RFTN1: variants seen among roughly 807,000 people sequenced by gnomAD.
RFTN1 encodes the protein raftlin, lipid raft linker 1.
Under a neutral mutation model 46.5 loss-of-function variants are expected in RFTN1, and 26 were observed. That is an observed-to-expected ratio of 0.56 (90% CI 0.41 to 0.78). RFTN1 has a LOEUF of 0.78. Ranked by LOEUF, RFTN1 falls within the 30% of genes least tolerant of loss-of-function variation. The pLI is 0.00. For missense variants in RFTN1, 693 were observed against 718.7 expected, an observed-to-expected ratio of 0.96 and a Z score of 0.41; for synonymous variants, 261 against 284.2, an observed-to-expected ratio of 0.92 and a Z score of 0.82.
rs2073690892 is a variant in RFTN1 at position 16,374,888 on chromosome 3, G to A, written c.826+2830C>T. Among the ~76,000 whole-genome samples the A allele has an allele frequency of 6.6e-6, 1 of 152,166 alleles. No individual in the cohort carries two copies. The highest frequency in any genetic ancestry group is 2.4e-5 in the African/African-American group (1 of 41,444). On this transcript the variant is annotated intron_variant, in intron 5 of 9. Coordinates refer to ENST00000334133, the MANE Select transcript of RFTN1 (RefSeq NM_015150.2). The surrounding 1 kb of genome is among the most constrained non-coding windows in gnomAD (Gnocchi z 5.4). ...AGAACCTGCAGGGGCAAGGAGGCGTGACGGCTGCACCGAGCCCGCAGAGAT... is the reference window on the plus strand; with the variant it reads ...AGAACCTGCAGGGGCAAGGAGGCGTAACGGCTGCACCGAGCCCGCAGAGAT...
intron 8 of RFTN1, 129 bp from the exon 9 acceptor site, chr3:16,323,586 G>C: frequency 1.6e-6 from 1 of 625,826 alleles, no homozygotes; most frequent in African/African-American, 1.9e-5. Flanking sequence ...TAGAAGAGAC[G>C]CCTGCTCTAC....
rs370852841 is a variant in RFTN1 at position 16,352,578 on chromosome 3, ACT to A, written c.1146+5352_1146+5353del. 2.4e-3 allele frequency among the ~76,000 whole-genome samples: 363 copies of A among 152,228 alleles called. 1 individual carries two copies. The highest frequency in any genetic ancestry group is 8.4e-3 in the African/African-American group (351 of 41,542). On this transcript the variant is annotated intron_variant, in intron 7 of 9. Transcript: ENST00000334133. This position sits in a 1 kb window ranked among gnomAD's most constrained non-coding sequence, Gnocchi z 4.6. Reference sequence around the variant, plus strand: ...AGCAAAATGCAATTATTTGTATTTGACTCTACAGGTTCCCTAGCCCAACCTCC... The same window carrying A: ...AGCAAAATGCAATTATTTGTATTTGACTACAGGTTCCCTAGCCCAACCTCC...
At chr3:16,485,395 T>C (rs2076432484) in intron 2 of RFTN1, among the ~76,000 whole-genome samples, 1 of 152,044 alleles carries the variant, frequency 6.6e-6, no homozygotes, top group Admixed American at 6.5e-5. Context: ...ACTCCATATA[T>C]ACAACAGCAA....
chr3:16,497,315 T>C (rs754692640), intron 1 of RFTN1, among the ~76,000 whole-genome samples: 12 of 152,260 alleles, frequency 7.9e-5, no homozygotes, highest in Non-Finnish European at 1.6e-4. Context: ...CAAAATCATC[T>C]ACGTACTGGG....
intron 8 of RFTN1, among the ~76,000 whole-genome samples, chr3:16,324,719 A>G (rs2069521022): frequency 7.1e-6 from 1 of 141,000 alleles, no homozygotes; most frequent in Admixed American, 7.6e-5. Context: ...TTCTTCATCC[A>G]TCTGATGAGG....
At chr3:16,332,375 A>G (rs994462323) in intron 7 of RFTN1, among the ~76,000 whole-genome samples, 2 of 148,238 alleles carry the variant, frequency 1.3e-5, no homozygotes, top group African/African-American at 2.5e-5. Context: ...CTGCTGCCCT[A>G]TTTTTAAGAT....
At chr3:16,502,404 G>T (rs1336664709) in intron 1 of RFTN1, among the ~76,000 whole-genome samples, 1 of 150,572 alleles carries the variant, frequency 6.6e-6, no homozygotes, top group Non-Finnish European at 1.5e-5. Flanking sequence ...AAAAAAGAAA[G>T]AAAGAAAAGA....
chr3:16,439,729 C>T (rs182348203), intron 2 of RFTN1, among the ~76,000 whole-genome samples: 10 of 152,106 alleles, frequency 6.6e-5, no homozygotes, highest in African/African-American at 1.4e-4. Flanking sequence ...TGCCAGTGGG[C>T]GGGAGAAACA....
chr3:16,493,149 G>A (rs977843405), intron 2 of RFTN1, among the ~76,000 whole-genome samples: 3 of 152,170 alleles, frequency 2.0e-5, no homozygotes, highest in African/African-American at 7.2e-5. Context: ...TCTGCAAACT[G>A]GTTGGCTCAT....
rs774356012 is a variant in RFTN1 at position 16,383,422 on chromosome 3, A to T, written c.442-5320T>A. Among the ~76,000 whole-genome samples the T allele has an allele frequency of 6.6e-6, 1 of 152,232 alleles. No individual in the cohort carries two copies. Among genetic ancestry groups the T allele is most frequent in the African/African-American group, 2.4e-5 (1 of 41,456 alleles). On this transcript the variant is annotated intron_variant, in intron 4 of 9. Transcript: ENST00000334133. The surrounding 1 kb of genome is among the most constrained non-coding windows in gnomAD (Gnocchi z 4.0). ...CAGTTGCTCTATAATAAGTAAGGAC[A>T]TGCTCCACTGTAACTATAATCAGGA...
Position 16,483,770 on chromosome 3 carries a change from A to AT in RFTN1, c.145+9954_145+9955insA, listed in dbSNP as rs2076405039. Among the ~76,000 whole-genome samples, 1 of 152,178 alleles carries AT rather than the reference A, an allele frequency of 6.6e-6. No homozygotes were observed. Among genetic ancestry groups the AT allele is most frequent in the East Asian group, 1.9e-4 (1 of 5,198 alleles). On this transcript the variant is annotated intron_variant, in intron 2 of 9. Transcript: ENST00000334133. The surrounding 1 kb of genome is among the most constrained non-coding windows in gnomAD (Gnocchi z 4.8). The stretch of plus-strand genomic sequence containing the variant: ...ATCTCCACTCAAATTAAAAAAAAAA[A>AT]AATTGTACTCCACATGATCTTTTAA...
chr3:16,397,887 A>G (rs1005675355), intron 4 of RFTN1, among the ~76,000 whole-genome samples: 1 of 152,136 alleles, frequency 6.6e-6, no homozygotes, highest in Admixed American at 6.5e-5. Context: ...CATTTTGAAG[A>G]ATGCCAAGTT....
At position 16,499,315 on chromosome 3, in the gene RFTN1, C is replaced by T. The variant is rs763877863; in HGVS notation, c.-8-5438G>A. 2.6e-4 allele frequency among the ~76,000 whole-genome samples: 39 copies of T among 152,284 alleles called. No individual in the cohort carries two copies. Among genetic ancestry groups the T allele is most frequent in the Admixed American group, 1.1e-3 (17 of 15,300 alleles). On this transcript the variant is annotated intron_variant, in intron 1 of 9. Coordinates refer to ENST00000334133, the MANE Select transcript of RFTN1 (RefSeq NM_015150.2). This position sits in a 1 kb window ranked among gnomAD's most constrained non-coding sequence, Gnocchi z 4.9. ...GGATGGCTTGACCAATAGAATATGA[C>T]GGAATAACACAGTTCCAGTTTCTGG...
At chr3:16,398,244 C>CAAAAAAAAAAAAAAAAAAAAAAAAAAA (rs202032095) in intron 4 of RFTN1, among the ~76,000 whole-genome samples, 6 of 110,850 alleles carry the variant, frequency 5.4e-5, no homozygotes, top group African/African-American at 1.4e-4. Flanking sequence ...AAGACTGTCT[C>CAAAAAAAAAAAAAAAAAAAAAAAAAAA]AAAAAAAAAA....
intron 2 of RFTN1, among the ~76,000 whole-genome samples, chr3:16,438,443 C>T (rs912274740): frequency 2.0e-5 from 3 of 151,370 alleles, no homozygotes; most frequent in African/African-American, 7.3e-5. Flanking sequence ...AAATTAGCTG[C>T]GCATGTTGGC....
rs181116366 is a variant in RFTN1, at chr3:16,501,558, G to T, written c.-8-7681C>A. On this transcript the variant is annotated intron_variant, in intron 1 of 9. Transcript: ENST00000334133. ...GCCTGTAAAGCTAATTTTAACAAATGCCAACAGCTCGTGACAAGCAACCAG... is the reference window on the plus strand; with the variant it reads ...GCCTGTAAAGCTAATTTTAACAAATTCCAACAGCTCGTGACAAGCAACCAG... 1.1e-4 allele frequency among the ~76,000 whole-genome samples: 16 copies of T among 152,310 alleles called. No homozygotes were observed. In the East Asian group the frequency reaches 3.1e-3, roughly 29 times the overall value.
Position 16,413,854 on chromosome 3 carries a change from A to G in RFTN1, c.333-4371T>C, listed in dbSNP as rs911551117. On this transcript the variant is annotated intron_variant, in intron 3 of 9. Coordinates refer to ENST00000334133, the MANE Select transcript of RFTN1 (RefSeq NM_015150.2). This position sits in a 1 kb window ranked among gnomAD's most constrained non-coding sequence, Gnocchi z 4.7. ...GTGTTAGAGCTAACTAGAGGCAGGT[A>G]ATACACCAGCTGTGAGCCTTTGGGC... 1.3e-5 allele frequency among the ~76,000 whole-genome samples: 2 copies of G among 152,222 alleles called. No individual in the cohort carries two copies. Among genetic ancestry groups the G allele is most frequent in the African/African-American group, 4.8e-5 (2 of 41,458 alleles).
intron 4 of RFTN1, 48 bp from the exon 5 acceptor site, chr3:16,378,150 T>C (rs1298059281): frequency 1.3e-6 from 2 of 1,531,640 alleles, no homozygotes; most frequent in Non-Finnish European, 1.8e-6. Context: ...AAATGGTCTA[T>C]CAAAGGGACA....
chr3:16,324,676 G>GTGTGTGTGTGTA (rs1244474998), intron 8 of RFTN1, among the ~76,000 whole-genome samples: 7 of 123,282 alleles, frequency 5.7e-5, no homozygotes, highest in African/African-American at 2.1e-4. Flanking sequence ...GTGTGTGTGT[G>GTGTGTGTGTGTA]TGTGTGTGTA....
Sources: gnomAD v4.1 joint callset for allele counts (sites outside exome capture counted in the v4.1 genomes callset) on GRCh38, gnomAD v4.1.1 for gene constraint, Gnocchi (gnomAD v3.1) non-coding constraint, MANE v1.5 for transcripts, NCBI Gene and HGNC (gene_info 2026-07-23, HGNC 2026-07-21) for gene names.